Variants in KANTR observed in about 807,000 individuals in gnomAD.
The protein encoded by KANTR is KDM5C adjacent transcript.
exon 3 of KANTR, chrX:53,123,905 C>T (rs903325486): frequency 2.5e-5 from 3 of 121,080 alleles, no homozygotes; most frequent in African/African-American, 9.6e-5. Context: ...AAGGGCCACC[C>T]TCTAAGGATC....
intron 2 of KANTR, among the ~76,000 whole-genome samples, chrX:53,115,395 C>T (rs1556814420): frequency 1.8e-5 from 2 of 111,974 alleles, no homozygotes; most frequent in Non-Finnish European, 3.8e-5. Flanking sequence ...GCCGGGGGGG[C>T]CAGCCCCATG....
chrX:53,147,640 C>G (rs1438599048), downstream of KANTR, among the ~76,000 whole-genome samples: 1 of 111,686 alleles, frequency 9.0e-6, no homozygotes, highest in Admixed American at 9.5e-5. Flanking sequence ...ACAGAACTCT[C>G]CACCCCAAAT....
intron 2 of KANTR, among the ~76,000 whole-genome samples, chrX:53,102,375 G>A (rs965025939): frequency 3.6e-5 from 4 of 112,208 alleles, no homozygotes; most frequent in African/African-American, 9.7e-5. Context: ...ATATGGAACA[G>A]TTCTTGAGTC....
chrX:53,143,133 G>A, downstream of KANTR: 1 of 1,085,670 alleles, frequency 9.2e-7, no homozygotes, highest in South Asian at 1.8e-5. Flanking sequence ...AGGAAGGCTG[G>A]AACAGCACCT....
downstream of KANTR, chrX:53,143,002 C>A (rs1933524895): frequency 1.8e-6 from 2 of 1,138,795 alleles, no homozygotes; most frequent in South Asian, 1.8e-5. Flanking sequence ...GATGCCAGGG[C>A]ACATGGTGGT....
At chrX:53,143,055 G>A (rs1443702790), downstream of KANTR, 2 of 1,203,575 alleles carry the variant, frequency 1.7e-6, no homozygotes, top group East Asian at 3.0e-5. Flanking sequence ...CTTTGCGGAT[G>A]TCCACGTCAC....
At chrX:53,121,033 C>T (rs1955425744) in intron 2 of KANTR, among the ~76,000 whole-genome samples, 1 of 109,616 alleles carries the variant, frequency 9.1e-6, no homozygotes, top group Non-Finnish European at 1.9e-5. Context: ...GAGTCTCGCT[C>T]TGTCTCCTAG....
At chrX:53,147,794 G>C (rs1933597702) in intron 3 of KANTR, among the ~76,000 whole-genome samples, 1 of 111,453 alleles carries the variant, frequency 9.0e-6, no homozygotes, top group South Asian at 3.8e-4. Flanking sequence ...AATCAAACTA[G>C]AACTCAGGAT....
downstream of KANTR, among the ~76,000 whole-genome samples, chrX:53,129,604 G>T (rs1300438256): frequency 9.1e-6 from 1 of 109,733 alleles, no homozygotes; most frequent in Non-Finnish European, 1.9e-5. Flanking sequence ...CACTCGTCTG[G>T]TTTCTATTAT....
At chrX:53,100,521 C>T (rs782485293) in intron 2 of KANTR, among the ~76,000 whole-genome samples, 18 of 108,123 alleles carry the variant, frequency 1.7e-4, no homozygotes, top group Middle Eastern at 0.011. Context: ...ATCTGTTGGC[C>T]GGGTGCGGTG....
At position 53,134,370 on chromosome X, in the gene KANTR, A is replaced by G. The variant is rs1232646722; in HGVS notation, n.204-7478A>G. On this transcript the variant is annotated intron_variant and non_coding_transcript_variant, in intron 2 of 2. Coordinates refer to the KANTR transcript ENST00000366185. ...AAAGTGAAACTCTGTCTCAAAAAAAAAAAAAATTTTTCCGCAAAAATCGAG... is the reference window on the plus strand; with the variant it reads ...AAAGTGAAACTCTGTCTCAAAAAAAGAAAAAATTTTTCCGCAAAAATCGAG... Among the ~76,000 whole-genome samples, 4 of 110,895 alleles carry G rather than the reference A, an allele frequency of 3.6e-5. 1 individual carries two copies. Among genetic ancestry groups the G allele is most frequent in the Non-Finnish European group, 7.5e-5 (4 of 53,001 alleles).
At chrX:53,143,138 G>C, downstream of KANTR, 1 of 1,063,843 alleles carries the variant, frequency 9.4e-7, no homozygotes, top group South Asian at 1.9e-5. Flanking sequence ...GGCTGGAACA[G>C]CACCTGCAGA....
chrX:53,113,202 T>C (rs782229986), intron 2 of KANTR: 2 of 218,834 alleles, frequency 9.1e-6, no homozygotes, highest in Non-Finnish European at 1.8e-5. Flanking sequence ...TTATCAACGT[T>C]CTTCATGGTG....
intron 2 of KANTR, among the ~76,000 whole-genome samples, chrX:53,114,175 G>T (rs1280377846): frequency 1.8e-5 from 2 of 111,709 alleles, no homozygotes; most frequent in African/African-American, 6.5e-5. Context: ...AAGGTGTTGG[G>T]ATTACAGGCG....
At chrX:53,129,849 AATTTATTT>A (rs59141550), downstream of KANTR, among the ~76,000 whole-genome samples, 8 of 98,980 alleles carry the variant, frequency 8.1e-5, no homozygotes, top group African/African-American at 2.5e-4. Context: ...TCTCCTTACA[AATTTATTT>A]ATTTATTTAT....
chrX:53,137,276 C>A (rs1203619572), intron 2 of KANTR, among the ~76,000 whole-genome samples: 1 of 112,016 alleles, frequency 8.9e-6, no homozygotes, highest in Non-Finnish European at 1.9e-5. Flanking sequence ...CTTTGACTAC[C>A]ATTTTTACTT....
At chrX:53,142,756 C>T (rs1451101039), downstream of KANTR, 10 of 447,681 alleles carry the variant, frequency 2.2e-5, no homozygotes, top group East Asian at 3.2e-4. Flanking sequence ...GAGGCATTTG[C>T]GGTAGACAAT....
intron 2 of KANTR, among the ~76,000 whole-genome samples, chrX:53,140,458 A>G (rs1933485846): frequency 9.6e-6 from 1 of 103,766 alleles, no homozygotes; most frequent in Admixed American, 1.1e-4. Flanking sequence ...CCAAGATCAC[A>G]CTACTGCCCT....
chrX:53,145,753 AG>A (rs1933566447), downstream of KANTR, among the ~76,000 whole-genome samples: 1 of 112,221 alleles, frequency 8.9e-6, no homozygotes, highest in Admixed American at 9.4e-5. Context: ...ACCCCCCAGT[AG>A]GGGCAGACAG....
Sources: allele counts gnomAD v4.1 joint callset (sites outside exome capture counted in the v4.1 genomes callset), GRCh38; gene constraint gnomAD v4.1.1; transcripts MANE v1.5; gene names NCBI Gene and HGNC (gene_info 2026-07-23, HGNC 2026-07-21).